NRXN1: variants seen among roughly 807,000 people sequenced by gnomAD.
NRXN1 encodes neurexin 1.
In NRXN1, 39 loss-of-function variants were observed where a neutral mutation model predicts 150.9. The ratio of observed to expected loss-of-function variants is 0.26; its 90% confidence interval spans 0.20 to 0.34. NRXN1 has a LOEUF of 0.34. NRXN1 is among the 10% of genes least tolerant of loss of function. The pLI, the probability that NRXN1 is intolerant of heterozygous loss-of-function variation, is 1.00. For synonymous variants in NRXN1, 924 were observed against 757.0 expected, an observed-to-expected ratio of 1.22 and a Z score of -3.62; for missense variants, 1,815 against 1,949.9, an observed-to-expected ratio of 0.93 and a Z score of 1.30.
chr2:49,966,301 C>T (rs1676954234), intron 21 of NRXN1, among the ~76,000 whole-genome samples: 1 of 152,052 alleles, frequency 6.6e-6, no homozygotes, highest in Non-Finnish European at 1.5e-5. Context: ...TCGAAATGAG[C>T]ATCTGTATTC....
At chr2:50,846,418 C>A (rs904855232) in intron 5 of NRXN1, among the ~76,000 whole-genome samples, 2 of 151,976 alleles carry the variant, frequency 1.3e-5, no homozygotes, top group Non-Finnish European at 2.9e-5. Context: ...GGTCGGCAAG[C>A]AAGACTTTTT....
intron 18 of NRXN1, among the ~76,000 whole-genome samples, chr2:50,164,879 T>C (rs2152792560): frequency 6.6e-6 from 1 of 152,306 alleles, no homozygotes; most frequent in Admixed American, 6.5e-5. Flanking sequence ...CACTGGCATG[T>C]CACTTCCAGG....
chr2:49,938,933 T>G (rs1410352425), intron 22 of NRXN1, among the ~76,000 whole-genome samples: 4 of 152,184 alleles, frequency 2.6e-5, no homozygotes, highest in East Asian at 3.9e-4. Flanking sequence ...ATTAAAGACC[T>G]TCTTGGAACT....
chr2:50,728,667 G>T (rs935091726), intron 5 of NRXN1, among the ~76,000 whole-genome samples: 1 of 152,112 alleles, frequency 6.6e-6, no homozygotes, highest in Non-Finnish European at 1.5e-5. Context: ...TTAAGAAAAT[G>T]CCTGCCTGTT....
intron 9 of NRXN1, among the ~76,000 whole-genome samples, chr2:50,552,131 T>C (rs909983348): frequency 2.0e-5 from 3 of 152,338 alleles, no homozygotes; most frequent in Middle Eastern, 3.4e-3. Flanking sequence ...GTGTTTTTAA[T>C]GCCATAGACT....
At chr2:50,110,131 G>T (rs528111454) in intron 18 of NRXN1, among the ~76,000 whole-genome samples, 1 of 152,196 alleles carries the variant, frequency 6.6e-6, no homozygotes, top group South Asian at 2.1e-4. Flanking sequence ...GAAACAAGTA[G>T]GACACAGGGA....
At chr2:50,201,350 T>G (rs996879433) in intron 18 of NRXN1, among the ~76,000 whole-genome samples, 1 of 152,124 alleles carries the variant, frequency 6.6e-6, no homozygotes, top group African/African-American at 2.4e-5. Context: ...AAACTACTGT[T>G]GTCAATGTTT....
intron 21 of NRXN1, among the ~76,000 whole-genome samples, chr2:49,989,448 A>G (rs1194843129): frequency 2.0e-5 from 3 of 152,188 alleles, no homozygotes; most frequent in Non-Finnish European, 4.4e-5. Context: ...GAAAACCAAC[A>G]GCCAACCAAC....
chr2:49,976,267 G>A (rs182912504), intron 21 of NRXN1, among the ~76,000 whole-genome samples: 1 of 150,894 alleles, frequency 6.6e-6, no homozygotes, highest in African/African-American at 2.4e-5. Context: ...TCCTGATCTC[G>A]AGTGATCCGC....
intron 18 of NRXN1, among the ~76,000 whole-genome samples, chr2:50,234,450 C>T (rs1574646330): frequency 2.0e-5 from 3 of 152,012 alleles, no homozygotes; most frequent in African/African-American, 4.8e-5. Context: ...ACTGAGATTG[C>T]ATCATTGCAC....
chr2:50,246,318 C>T (rs1416044629), intron 17 of NRXN1, among the ~76,000 whole-genome samples: 1 of 151,900 alleles, frequency 6.6e-6, no homozygotes, highest in Non-Finnish European at 1.5e-5. Flanking sequence ...TTGGCAGTGA[C>T]ACTTCTTTTT....
intron 5 of NRXN1, among the ~76,000 whole-genome samples, chr2:50,689,749 T>G (rs1434554943): frequency 6.6e-6 from 1 of 152,138 alleles, no homozygotes; most frequent in Non-Finnish European, 1.5e-5. Context: ...ATACACTGCT[T>G]TGTCTAAAAA....
intron 2 of NRXN1, among the ~76,000 whole-genome samples, chr2:50,997,765 TC>T: frequency 7.1e-6 from 1 of 141,796 alleles, no homozygotes; most frequent in South Asian, 2.2e-4. Context: ...CGCCTCCACT[TC>T]CCAAAATGCT....
intron 17 of NRXN1, among the ~76,000 whole-genome samples, chr2:50,320,723 A>C (rs921773151): frequency 6.6e-6 from 1 of 152,064 alleles, no homozygotes; most frequent in Non-Finnish European, 1.5e-5. Context: ...TGTGAAGATA[A>C]GTAGGGGCTA....
intron 8 of NRXN1, among the ~76,000 whole-genome samples, chr2:50,612,518 T>C (rs1678347751): frequency 1.3e-5 from 2 of 152,190 alleles, no homozygotes; most frequent in African/African-American, 4.8e-5. Flanking sequence ...ACATGCCTCT[T>C]GGGTAACTCA....
intron 17 of NRXN1, among the ~76,000 whole-genome samples, chr2:50,326,937 CTG>C (rs1256675439): frequency 1.3e-5 from 2 of 152,158 alleles, no homozygotes; most frequent in Non-Finnish European, 2.9e-5. Context: ...AACAGAAACA[CTG>C]TAATTCTCAT....
chr2:50,531,464 G>A (rs758852531), intron 10 of NRXN1, 34 bp from the exon 11 acceptor site: 2 of 1,520,466 alleles, frequency 1.3e-6, no homozygotes, highest in East Asian at 4.6e-5. Flanking sequence ...TAAGTTCTTG[G>A]ATGGTATAGC....
intron 18 of NRXN1, among the ~76,000 whole-genome samples, chr2:50,119,667 T>G (rs919604914): frequency 3.3e-5 from 5 of 152,154 alleles, no homozygotes; most frequent in African/African-American, 7.2e-5. Flanking sequence ...CTTAAGAGAT[T>G]TTGTTTTAAA....
At chr2:50,384,436 G>A (rs1194245785) in intron 17 of NRXN1, among the ~76,000 whole-genome samples, 3 of 147,512 alleles carry the variant, frequency 2.0e-5, no homozygotes, top group African/African-American at 7.5e-5. Context: ...AACTCAAGAG[G>A]TGGAGGTTGC....
Sources: allele counts gnomAD v4.1 joint callset (sites outside exome capture counted in the v4.1 genomes callset), GRCh38; gene constraint gnomAD v4.1.1; transcripts MANE v1.5; gene names NCBI Gene and HGNC (gene_info 2026-07-23, HGNC 2026-07-21).